FAM53A: variants seen among roughly 807,000 people sequenced by gnomAD.
The protein encoded by FAM53A is family with sequence similarity 53 member A.
FAM53A carries 28 observed loss-of-function variants against 26.6 expected under a neutral mutation model. The observed-to-expected ratio is 1.05, with a 90% CI of 0.78 to 1.45. FAM53A has a LOEUF of 1.45. Among genes scored for constraint, FAM53A ranks in the 40% most tolerant of loss-of-function variants. The pLI is 0.00. For synonymous variants in FAM53A, 290 were observed against 253.1 expected, an observed-to-expected ratio of 1.15 and a Z score of -1.38; for missense variants, 650 against 575.8, an observed-to-expected ratio of 1.13 and a Z score of -1.32.
intron 1 of FAM53A, among the ~76,000 whole-genome samples, chr4:1,681,273 T>C (rs1389808585): frequency 6.6e-6 from 1 of 151,944 alleles, no homozygotes; most frequent in Admixed American, 6.6e-5. Flanking sequence ...TTTTTTGTAT[T>C]TTTTAGTAGA....
At chr4:1,636,823 G>T (rs1245171834), downstream of FAM53A, among the ~76,000 whole-genome samples, 1 of 152,208 alleles carries the variant, frequency 6.6e-6, no homozygotes, top group African/African-American at 2.4e-5. Context: ...GTCCTCAAGG[G>T]AGACCTCCCT....
At chr4:1,612,525 C>G in the FAM53A span, among the ~76,000 whole-genome samples, 1 of 152,154 alleles carries the variant, frequency 6.6e-6, no homozygotes, top group Non-Finnish European at 1.5e-5. Context: ...TGCATAGGCA[C>G]ACATGTACAC....
rs113955480 is a variant in FAM53A, at chr4:1,624,988, A to T, written c.432-6877T>A. On this transcript the variant is annotated intron_variant, in intron 1 of 1. Coordinates refer to the FAM53A transcript ENST00000489029. ...CCCGGCCCACGTGGTCAGGGGTCAC[A>T]CCAGGTGATCAGAAGGCCCCACGTC... 8.3e-5 allele frequency among the ~76,000 whole-genome samples: 9 copies of T among 108,704 alleles called. No homozygotes were observed. In the East Asian group the frequency reaches 2.2e-3, roughly 27 times the overall value. The allele number at this position is 108,704 out of a possible 152,430, so 71.3% of individuals were successfully genotyped here. A position where few individuals can be genotyped will look rare whatever the true frequency, so the allele number is the denominator to read the frequency against.
chr4:1,605,243 G>C, the FAM53A span, among the ~76,000 whole-genome samples: 26 of 152,176 alleles, frequency 1.7e-4, no homozygotes, highest in Admixed American at 1.3e-4. This position sits in a 1 kb window ranked among gnomAD's most constrained non-coding sequence, Gnocchi z 5.7. Context: ...GCATTGGCTG[G>C]GTGCTCTCAG....
chr4:1,663,581 C>T (rs1262241736), intron 2 of FAM53A, among the ~76,000 whole-genome samples: 1 of 152,192 alleles, frequency 6.6e-6, no homozygotes, highest in Non-Finnish European at 1.5e-5. Context: ...GGACAGCCAA[C>T]AGGCTGTCCA....
At chr4:1,673,563 T>A (rs564280229) in intron 1 of FAM53A, among the ~76,000 whole-genome samples, 3 of 152,148 alleles carry the variant, frequency 2.0e-5, no homozygotes, top group Middle Eastern at 6.8e-3. Context: ...TGAAACCCCA[T>A]CTCTATTAAA....
chr4:1,675,351 C>G (rs1251196006), intron 1 of FAM53A, among the ~76,000 whole-genome samples: 1 of 152,146 alleles, frequency 6.6e-6, no homozygotes, highest in African/African-American at 2.4e-5. Context: ...TACTCCAGGA[C>G]CTCTCGGCGC....
downstream of FAM53A, among the ~76,000 whole-genome samples, chr4:1,614,456 T>C (rs1231618012): frequency 2.1e-4 from 19 of 89,982 alleles, no homozygotes; most frequent in Admixed American, 8.4e-4. Context: ...ATGAGGGGCA[T>C]GCAGAGACGT....
intron 1 of FAM53A, among the ~76,000 whole-genome samples, chr4:1,681,989 C>T (rs1243673902): frequency 6.6e-6 from 1 of 152,172 alleles, no homozygotes; most frequent in East Asian, 1.9e-4. Context: ...TGGGCCCACT[C>T]ACTAGCCAGG....
intron 1 of FAM53A, among the ~76,000 whole-genome samples, chr4:1,674,141 T>A (rs1176420791): frequency 6.6e-6 from 1 of 152,170 alleles, no homozygotes; most frequent in Non-Finnish European, 1.5e-5. Context: ...AGGTGCCTCC[T>A]TCTGGAGGCT....
chr4:1,675,073 C>G (rs1051875633), intron 1 of FAM53A, among the ~76,000 whole-genome samples: 1 of 152,200 alleles, frequency 6.6e-6, no homozygotes, highest in African/African-American at 2.4e-5. Context: ...ATCAGAGAGG[C>G]CCCTCTAAGG....
chr4:1,643,330 G>C (rs926201552), intron 4 of FAM53A, among the ~76,000 whole-genome samples: 27 of 151,980 alleles, frequency 1.8e-4, no homozygotes, highest in Non-Finnish European at 2.9e-4. Context: ...ACCAGGCGTG[G>C]TGGCGGGCGC....
upstream of FAM53A, among the ~76,000 whole-genome samples, chr4:1,684,503 G>A (rs1368559715): frequency 1.3e-5 from 2 of 150,450 alleles, no homozygotes; most frequent in Admixed American, 1.3e-4. Flanking sequence ...TCCGCAGCGC[G>A]CCCTGTGCGA....
At chr4:1,592,917 G>C in the FAM53A span, among the ~76,000 whole-genome samples, 1 of 152,140 alleles carries the variant, frequency 6.6e-6, no homozygotes, top group East Asian at 1.9e-4. Flanking sequence ...CGAGGTCCTG[G>C]CTGCGGGGCC....
the FAM53A span, among the ~76,000 whole-genome samples, chr4:1,593,539 TTTAAGGGAC>T: frequency 1.3e-5 from 2 of 152,196 alleles, no homozygotes; most frequent in African/African-American, 4.8e-5. Context: ...TGGTCCCCTC[TTTAAGGGAC>T]TTATCTCTTT....
At chr4:1,649,123 A>AGGAAGGGGAAGG (rs1193453499) in intron 4 of FAM53A, among the ~76,000 whole-genome samples, 12 of 111,694 alleles carry the variant, frequency 1.1e-4, no homozygotes, top group Admixed American at 5.1e-4. Context: ...GAAAGGGAAG[A>AGGAAGGGGAAGG]GGAAGGGGAA....
At chr4:1,641,918 C>T (rs1457537368) in intron 4 of FAM53A, among the ~76,000 whole-genome samples, 2 of 152,158 alleles carry the variant, frequency 1.3e-5, no homozygotes, top group African/African-American at 4.8e-5. Context: ...CACCTGACAC[C>T]TAAGCAAGCC....
chr4:1,663,346 A>G (rs564890519), intron 2 of FAM53A, among the ~76,000 whole-genome samples: 60 of 152,366 alleles, frequency 3.9e-4, no homozygotes, highest in Admixed American at 2.2e-3. Context: ...TTTGCACCCA[A>G]AAGAAATGAA....
chr4:1,611,839 C>A, the FAM53A span, among the ~76,000 whole-genome samples: 2 of 152,196 alleles, frequency 1.3e-5, no homozygotes, highest in Non-Finnish European at 2.9e-5. Flanking sequence ...GGGACGACTC[C>A]AGCAGAGTGC....
Sources: allele counts gnomAD v4.1 joint callset (sites outside exome capture counted in the v4.1 genomes callset), GRCh38; gene constraint gnomAD v4.1.1; non-coding constraint Gnocchi (gnomAD v3.1); transcripts MANE v1.5; gene names NCBI Gene and HGNC (gene_info 2026-07-23, HGNC 2026-07-21).